The following PAAF1 variants were observed in gnomAD, a reference collection of about 807,000 sequenced individuals.
PAAF1 encodes proteasomal ATPase-associated factor 1.
PAAF1 carries 46 observed loss-of-function variants against 52.8 expected under a neutral mutation model. The ratio of observed to expected loss-of-function variants is 0.87; its 90% CI spans 0.69 to 1.11. The LOEUF is 1.11. PAAF1 is among the 50% of genes most tolerant of loss of function. The pLI is 0.00. For missense variants in PAAF1, 424 were observed against 477.4 expected (o/e 0.89, Z 1.04); for synonymous variants, 178 against 172.8 (o/e 1.03, Z -0.24).
chr11:73,901,095 AGAGT>A (rs200575713), intron 6 of PAAF1, among the ~76,000 whole-genome samples: 1 of 147,946 alleles, frequency 6.8e-6, no homozygotes, highest in Non-Finnish European at 1.5e-5. Flanking sequence ...ATAGAGAGAG[AGAGT>A]GAGAGAAAAG....
At chr11:73,913,482 C>T (rs997328240) in intron 7 of PAAF1, among the ~76,000 whole-genome samples, 1 of 151,854 alleles carries the variant, frequency 6.6e-6, no homozygotes, top group Non-Finnish European at 1.5e-5. Flanking sequence ...TTAAAGTTAC[C>T]CTCCCCATCT....
chr11:73,920,334 G>A (rs1043525512), intron 10 of PAAF1, among the ~76,000 whole-genome samples: 5 of 151,878 alleles, frequency 3.3e-5, no homozygotes, highest in African/African-American at 9.7e-5. Context: ...AGGAGTTTGA[G>A]GTCAGCCTGG....
chr11:73,913,340 A>C (rs955385064), intron 7 of PAAF1, among the ~76,000 whole-genome samples: 4 of 152,136 alleles, frequency 2.6e-5, no homozygotes, highest in Non-Finnish European at 2.9e-5. Context: ...CACGCCCATA[A>C]TCCCAGCACT....
intron 7 of PAAF1, among the ~76,000 whole-genome samples, chr11:73,913,637 A>C (rs927285329): frequency 4.6e-5 from 7 of 151,742 alleles, no homozygotes; most frequent in African/African-American, 1.7e-4. Context: ...TTTGTTCATC[A>C]CTATTTCCTT....
At position 73,909,593 on chromosome 11, in the gene PAAF1, A is replaced by G; in HGVS notation, c.727A>G (p.Ser243Gly). 1.9e-6 allele frequency: 3 copies of G among 1,613,802 alleles called. No individual in the cohort carries two copies. The South Asian group carries it at 3.3e-5, about 18-fold the overall frequency. Residue 243 changes from serine (S) to glycine (G), a missense_variant and splice_region_variant, in exon 7 of 12, where the codon AGT becomes GGT. Transcript: ENST00000310571. ...INLGSPEQMP[S>G]EREVGTEAKM... is the part of the protein sequence containing the mutation. ...CCTTGGCTCCCCTGAGCAGATGCCCAGTAAGTTGATAATGATATGTAGCAT... is the reference window on the plus strand; with the variant it reads ...CCTTGGCTCCCCTGAGCAGATGCCCGGTAAGTTGATAATGATATGTAGCAT...
rs971451044 is a variant in PAAF1 at position 73,893,444 on chromosome 11, T to C, written c.282+2243T>C. On this transcript the variant is annotated intron_variant, in intron 4 of 11. Transcript: ENST00000310571. ...GTGAAAAGCGGAAAGCAGTTATTTA[T>C]TTGAAAACTAGGCTGGGCGCAGTGG... 5.3e-5 allele frequency among the ~76,000 whole-genome samples: 8 copies of C among 152,020 alleles called. No individual in the cohort carries two copies. The South Asian group carries it at 8.3e-4, about 16-fold the overall frequency.
intron 1 of PAAF1, 71 bp downstream of exon 1, chr11:73,877,139 G>C (rs371421703): frequency 1.4e-6 from 2 of 1,426,598 alleles, no homozygotes; most frequent in Admixed American, 2.6e-5. Context: ...GGAGAGCCAT[G>C]CCTGGTCCAG....
At chr11:73,906,146 G>T (rs923211115) in intron 6 of PAAF1, among the ~76,000 whole-genome samples, 2 of 151,058 alleles carry the variant, frequency 1.3e-5, no homozygotes, top group African/African-American at 4.8e-5. Flanking sequence ...TTGAAAGGAA[G>T]ACTGAAAAAT....
chr11:73,894,781 G>A (rs137994746), intron 4 of PAAF1, among the ~76,000 whole-genome samples: 5,303 of 152,214 alleles, frequency 0.035, 137 homozygotes, highest in Non-Finnish European at 0.051. Context: ...CCGAGGTTGC[G>A]CCACTGCACT....
intron 6 of PAAF1, among the ~76,000 whole-genome samples, chr11:73,904,963 C>T (rs1949719169): frequency 1.3e-5 from 2 of 152,064 alleles, no homozygotes; most frequent in Admixed American, 1.3e-4. Flanking sequence ...ATATCTAAAG[C>T]CTTTTCCAGC....
At chr11:73,881,453 A>G (rs1332533770) in intron 2 of PAAF1, among the ~76,000 whole-genome samples, 1 of 152,010 alleles carries the variant, frequency 6.6e-6, no homozygotes, top group Admixed American at 6.6e-5. Context: ...ATGCCCAGCT[A>G]ATTTTTGTAT....
At chr11:73,895,671 C>G (rs1402857591) in intron 4 of PAAF1, among the ~76,000 whole-genome samples, 2 of 152,146 alleles carry the variant, frequency 1.3e-5, no homozygotes, top group African/African-American at 4.8e-5. Context: ...GGGAATGTGT[C>G]TGGAATTGCA....
intron 3 of PAAF1, among the ~76,000 whole-genome samples, chr11:73,890,550 C>G (rs765303228): frequency 6.6e-6 from 1 of 152,124 alleles, no homozygotes; most frequent in African/African-American, 2.4e-5. Flanking sequence ...TAAGCCTGAC[C>G]CAGGCCTACA....
intron 10 of PAAF1, chr11:73,922,322 T>C (rs1950242631): frequency 7.7e-6 from 3 of 387,838 alleles, no homozygotes; most frequent in African/African-American, 6.3e-5. Context: ...ATTATAACTC[T>C]GTTTTCAGAG....
intron 11 of PAAF1, among the ~76,000 whole-genome samples, chr11:73,925,830 A>G (rs1403517968): frequency 2.6e-5 from 4 of 152,222 alleles, no homozygotes; most frequent in African/African-American, 9.6e-5. Context: ...TTCAAACAAT[A>G]CAGAATGATA....
Position 73,927,448 on chromosome 11 carries a change from C to A in PAAF1, c.*86C>A. On this transcript the variant is annotated 3_prime_UTR_variant, in exon 12 of 12. Transcript: ENST00000310571. ...AAACATCATCAGTCCTTCCCAAGGACCATGGCGTTTAATGTCTTGGGCACC... is the reference window on the plus strand; with the variant it reads ...AAACATCATCAGTCCTTCCCAAGGAACATGGCGTTTAATGTCTTGGGCACC... The A allele has an allele frequency of 1.7e-6, 2 of 1,168,506 alleles. No individual in the cohort carries two copies. Among genetic ancestry groups the A allele is most frequent in the Non-Finnish European group, 2.5e-6 (2 of 790,938 alleles). The allele number at this position is 1,168,506 out of a possible 1,614,324, so 72.4% of individuals were successfully genotyped here.
intron 5 of PAAF1, 120 bp downstream of exon 5, chr11:73,899,364 G>A: frequency 2.1e-6 from 1 of 472,214 alleles, no homozygotes; most frequent in Non-Finnish European, 3.9e-6. Context: ...CTGCATGTCA[G>A]TTGATCTCTT....
intron 1 of PAAF1, among the ~76,000 whole-genome samples, chr11:73,877,536 TTGG>T (rs1948777554): frequency 6.6e-6 from 1 of 152,136 alleles, no homozygotes. Context: ...TACTGGATGC[TTGG>T]TGGAGCTCAG....
intron 11 of PAAF1, among the ~76,000 whole-genome samples, chr11:73,926,101 T>G (rs1950347355): frequency 6.6e-6 from 1 of 150,550 alleles, no homozygotes; most frequent in Non-Finnish European, 1.5e-5. Flanking sequence ...ATCTATTTCT[T>G]TCTTTCTTTC....
Sources: gnomAD v4.1 joint callset for allele counts (sites outside exome capture counted in the v4.1 genomes callset) on GRCh38, gnomAD v4.1.1 for gene constraint, MANE v1.5 for transcripts, NCBI Gene and HGNC (gene_info 2026-07-23, HGNC 2026-07-21) for gene names.